ROBO1: variants seen among roughly 807,000 people sequenced by gnomAD.
The protein encoded by ROBO1 is roundabout homolog 1.
A neutral mutation model predicts 195.9 loss-of-function variants in ROBO1; 149 were observed. The observed-to-expected ratio is 0.76, with a 90% CI of 0.67 to 0.87. The LOEUF (loss-of-function observed/expected upper bound fraction) is 0.87, where lower values mean the gene tolerates loss of function less well. Among genes scored for constraint, ROBO1 ranks in the 40% least tolerant of loss-of-function variants. ROBO1 has a pLI of 0.00. For missense variants in ROBO1, 1,933 were observed against 2,068.3 expected (o/e 0.93, Z 1.27); for synonymous variants, 816 against 733.2 (o/e 1.11, Z -1.82).
At chr3:78,973,933 C>T (rs1369181811) in intron 3 of ROBO1, among the ~76,000 whole-genome samples, 2 of 152,020 alleles carry the variant, frequency 1.3e-5, no homozygotes, top group South Asian at 4.2e-4. Flanking sequence ...ATTTTCCTTA[C>T]AAATACGTAA....
intron 4 of ROBO1, among the ~76,000 whole-genome samples, chr3:78,884,563 AAGAG>A (rs1160207336): frequency 3.3e-5 from 5 of 151,288 alleles, no homozygotes; most frequent in African/African-American, 9.7e-5. Context: ...GAAAGAGAGA[AAGAG>A]AGAAAGAAAG....
intron 2 of ROBO1, among the ~76,000 whole-genome samples, chr3:79,127,184 C>T (rs2080232069): frequency 6.6e-6 from 1 of 152,126 alleles, no homozygotes; most frequent in Non-Finnish European, 1.5e-5. Context: ...GAACTTATTA[C>T]ACGCACACGT....
chr3:79,464,864 A>C (rs1252975195), intron 2 of ROBO1, among the ~76,000 whole-genome samples: 1 of 152,114 alleles, frequency 6.6e-6, no homozygotes, highest in Non-Finnish European at 1.5e-5. Flanking sequence ...AGGTGCAGGT[A>C]CTCTACACAT....
At chr3:78,894,479 T>C (rs2037114119) in intron 4 of ROBO1, among the ~76,000 whole-genome samples, 2 of 152,208 alleles carry the variant, frequency 1.3e-5, no homozygotes, top group Non-Finnish European at 2.9e-5. Flanking sequence ...CATATTTATA[T>C]GTTTAATGTA....
intron 2 of ROBO1, among the ~76,000 whole-genome samples, chr3:79,503,083 C>T (rs756161131): frequency 2.0e-4 from 30 of 152,162 alleles, no homozygotes; most frequent in Non-Finnish European, 3.5e-4. Flanking sequence ...TGTTCTTTAG[C>T]TCTTTGCAAT....
intron 4 of ROBO1, among the ~76,000 whole-genome samples, chr3:78,858,564 CAAAAAA>C (rs554355096): frequency 1.0e-5 from 1 of 96,510 alleles, no homozygotes. Context: ...CCCTGTCTAC[CAAAAAA>C]AAAAAAAAAA....
At chr3:79,723,418 C>G (rs778373116) in intron 1 of ROBO1, among the ~76,000 whole-genome samples, 1 of 152,064 alleles carries the variant, frequency 6.6e-6, no homozygotes. Context: ...CTTGAATTAA[C>G]AAAATGACAA....
At chr3:78,743,845 T>C (rs2082591457) in intron 5 of ROBO1, among the ~76,000 whole-genome samples, 1 of 152,102 alleles carries the variant, frequency 6.6e-6, no homozygotes, top group African/African-American at 2.4e-5. Flanking sequence ...TTTCTTTAAT[T>C]GTCACTCACA....
chr3:78,822,627 A>T (rs528358746), intron 4 of ROBO1, among the ~76,000 whole-genome samples: 2 of 152,234 alleles, frequency 1.3e-5, no homozygotes, highest in African/African-American at 4.8e-5. Context: ...TTCACAGTAC[A>T]TATAAGAATA....
chr3:78,637,186 T>C (rs1048495037), intron 22 of ROBO1, among the ~76,000 whole-genome samples: 1 of 151,990 alleles, frequency 6.6e-6, no homozygotes, highest in Admixed American at 6.6e-5. Context: ...ACATGTTTGT[T>C]ACTAAAGATG....
intron 10 of ROBO1, among the ~76,000 whole-genome samples, chr3:78,678,256 T>C (rs1420194663): frequency 4.0e-5 from 6 of 149,504 alleles, no homozygotes; most frequent in Admixed American, 3.3e-4. Flanking sequence ...AACATCACAA[T>C]TAAAAGAACT....
chr3:78,903,888 T>C (rs1365715422), intron 4 of ROBO1, among the ~76,000 whole-genome samples: 3 of 152,088 alleles, frequency 2.0e-5, no homozygotes, highest in Admixed American at 2.0e-4. Context: ...AAATACAGGC[T>C]CTGCCATTTA....
chr3:78,928,314 G>A (rs557965558), intron 4 of ROBO1, among the ~76,000 whole-genome samples: 2 of 152,202 alleles, frequency 1.3e-5, no homozygotes, highest in East Asian at 3.9e-4. Flanking sequence ...ACGCCTTCTA[G>A]AACAGTTCAT....
At chr3:78,754,747 T>C (rs2082885028) in intron 4 of ROBO1, among the ~76,000 whole-genome samples, 1 of 152,126 alleles carries the variant, frequency 6.6e-6, no homozygotes, top group Non-Finnish European at 1.5e-5. Context: ...ACAACTATAA[T>C]TGTGATACAT....
chr3:79,047,859 A>G (rs560084971), intron 3 of ROBO1, among the ~76,000 whole-genome samples: 67 of 152,258 alleles, frequency 4.4e-4, no homozygotes, highest in African/African-American at 1.5e-3. Context: ...CAGGGTAACC[A>G]TGGTAATGAG....
chr3:79,620,871 G>A lies in ROBO1; in HGVS notation c.-50-30910C>T, dbSNP rs1002581446. Among the ~76,000 whole-genome samples, 6 of 152,072 alleles carry A rather than the reference G, an allele frequency of 3.9e-5. No individual in the cohort carries two copies. In the East Asian group the frequency reaches 1.2e-3, roughly 30 times the overall value. On this transcript the variant is annotated intron_variant, in intron 1 of 30. Transcript: ENST00000464233. ...ACCTGTTACAACATGGCCTCTTAAA[G>A]CCTACAAATTCTCCTTACAACTCTC... is the stretch of plus-strand genomic sequence containing the variant.
intron 2 of ROBO1, among the ~76,000 whole-genome samples, chr3:79,157,464 G>A (rs2080879153): frequency 6.6e-6 from 1 of 151,816 alleles, no homozygotes. Flanking sequence ...CTAAGGATGT[G>A]TTGGAAGGAA....
At chr3:79,449,840 A>T (rs542254693) in intron 2 of ROBO1, among the ~76,000 whole-genome samples, 16 of 152,310 alleles carry the variant, frequency 1.1e-4, no homozygotes, top group African/African-American at 3.4e-4. Context: ...TGTGATGGCC[A>T]TAGTGTGTCA....
chr3:78,860,626 C>A (rs2034774466), intron 4 of ROBO1, among the ~76,000 whole-genome samples: 1 of 152,078 alleles, frequency 6.6e-6, no homozygotes, highest in South Asian at 2.1e-4. Flanking sequence ...CAGTACTGGG[C>A]CGTCAGCCCT....
Sources: allele counts gnomAD v4.1 joint callset (sites outside exome capture counted in the v4.1 genomes callset), GRCh38; gene constraint gnomAD v4.1.1; transcripts MANE v1.5; gene names NCBI Gene and HGNC (gene_info 2026-07-23, HGNC 2026-07-21).